STAU1: variants seen among roughly 807,000 people sequenced by gnomAD.
STAU1 encodes staufen double-stranded RNA binding protein 1.
In STAU1, 13 loss-of-function variants were observed where a neutral mutation model predicts 62.9. The observed-to-expected ratio is 0.21, with a 90% CI of 0.13 to 0.33. The LOEUF is 0.33. Among genes scored for constraint, STAU1 ranks in the 10% least tolerant of loss-of-function variants. STAU1 has a pLI of 1.00. For missense variants in STAU1, 571 were observed against 712.1 expected (o/e 0.80, Z 2.25); for synonymous variants, 269 against 265.1 (o/e 1.01, Z -0.14).
At chr20:49,152,788 C>T (rs973114464) in intron 4 of STAU1, among the ~76,000 whole-genome samples, 5 of 152,168 alleles carry the variant, frequency 3.3e-5, no homozygotes, top group African/African-American at 1.2e-4. Flanking sequence ...TCTACAAATG[C>T]TGGGAATCAT....
chr20:49,204,623 TGTGTATATATATATATATATA>T, the STAU1 span, among the ~76,000 whole-genome samples: 23 of 40,448 alleles, frequency 5.7e-4, no homozygotes, highest in African/African-American at 1.7e-3. Context: ...TATATATATA[TGTGTATATATATATATATATA>T]TATTTTTTTT....
intron 3 of STAU1, among the ~76,000 whole-genome samples, chr20:49,161,099 G>T (rs1440523317): frequency 1.3e-5 from 2 of 151,790 alleles, no homozygotes. Flanking sequence ...CAGGCAGATT[G>T]TTTGAGCCCA....
At chr20:49,124,625 C>CACT (rs1555836189) in intron 6 of STAU1, 38 bp from the exon 7 acceptor site, 2 of 1,608,428 alleles carry the variant, frequency 1.2e-6, no homozygotes, top group South Asian at 1.1e-5. Context: ...AGCGGACAGA[C>CACT]ACTTATTAAA....
intron 6 of STAU1, among the ~76,000 whole-genome samples, chr20:49,127,264 G>C (rs1329371958): frequency 9.9e-5 from 15 of 152,188 alleles, no homozygotes; most frequent in Admixed American, 9.8e-4. Context: ...TGAGACAGGA[G>C]AATTGCTTGA....
rs2092505326 is a variant in STAU1, at chr20:49,123,089, C to T, written c.966+3G>A. 1 of 1,594,512 alleles carries T rather than the reference C, an allele frequency of 6.3e-7. No individual in the cohort carries two copies. The highest frequency in any genetic ancestry group is 1.1e-5 in the South Asian group (1 of 87,662). On this transcript the variant is annotated splice_donor_region_variant and intron_variant, in intron 8 of 13. Transcript: ENST00000371856. ...GGGGCGCCCATCATCCATGCGGACCCACCTGCATCACAAACTCCCTGCGGC... is the reference window on the plus strand; with the variant it reads ...GGGGCGCCCATCATCCATGCGGACCTACCTGCATCACAAACTCCCTGCGGC...
At chr20:49,174,673 C>T (rs1402056751) in intron 1 of STAU1, among the ~76,000 whole-genome samples, 1 of 151,152 alleles carries the variant, frequency 6.6e-6, no homozygotes, top group African/African-American at 2.4e-5. Context: ...CATGGTGGCG[C>T]ACGCCTGTAA....
At chr20:49,145,508 G>A (rs1172881982) in intron 5 of STAU1, among the ~76,000 whole-genome samples, 2 of 148,296 alleles carry the variant, frequency 1.3e-5, no homozygotes, top group Admixed American at 6.8e-5. Context: ...CGAGGCAGGT[G>A]GATCACAAGG....
At chr20:49,125,583 A>C (rs1359001894) in intron 6 of STAU1, among the ~76,000 whole-genome samples, 4 of 150,772 alleles carry the variant, frequency 2.7e-5, no homozygotes, top group African/African-American at 9.8e-5. Flanking sequence ...GCGGTGGCTC[A>C]CGCCTGTAAT....
At chr20:49,196,297 A>G in the STAU1 span, among the ~76,000 whole-genome samples, 123 of 151,560 alleles carry the variant, frequency 8.1e-4, no homozygotes, top group Non-Finnish European at 1.6e-3. Context: ...TTAGCCGGGC[A>G]AGGTGGCGGG....
At chr20:49,188,656 C>T (rs993623055), upstream of STAU1, among the ~76,000 whole-genome samples, 2 of 152,216 alleles carry the variant, frequency 1.3e-5, no homozygotes, top group African/African-American at 4.8e-5. Flanking sequence ...CTTCTTTCCT[C>T]CTCCACTTCC....
chr20:49,208,960 G>A, the STAU1 span, among the ~76,000 whole-genome samples: 1 of 150,556 alleles, frequency 6.6e-6, no homozygotes, highest in East Asian at 2.0e-4. Context: ...TTTAGAGAAA[G>A]TGTCTTACTC....
At chr20:49,198,115 G>A in the STAU1 span, among the ~76,000 whole-genome samples, 1 of 152,178 alleles carries the variant, frequency 6.6e-6, no homozygotes, top group Non-Finnish European at 1.5e-5. Flanking sequence ...AAGTATATGA[G>A]TGGCAAATGA....
chr20:49,153,183 G>C (rs1467690707), intron 4 of STAU1, among the ~76,000 whole-genome samples: 1 of 148,778 alleles, frequency 6.7e-6, no homozygotes, highest in Non-Finnish European at 1.5e-5. Context: ...CCGGGAGGCA[G>C]AGCTTGCAGT....
At chr20:49,134,432 G>T in intron 6 of STAU1, 1 of 271,308 alleles carries the variant, frequency 3.7e-6, no homozygotes. Context: ...ACTCATCTCA[G>T]GGAAAAAAAA....
At chr20:49,180,648 G>A (rs1411405777) in intron 1 of STAU1, among the ~76,000 whole-genome samples, 6 of 152,144 alleles carry the variant, frequency 3.9e-5, no homozygotes, top group East Asian at 3.8e-4. Context: ...GATGACACAC[G>A]ATAGCAGTAA....
At chr20:49,141,946 A>G (rs1000871140) in intron 5 of STAU1, among the ~76,000 whole-genome samples, 5 of 152,056 alleles carry the variant, frequency 3.3e-5, no homozygotes, top group African/African-American at 7.2e-5. Context: ...ATCCAAACTT[A>G]TAAGTTTATA....
chr20:49,209,337 A>C, the STAU1 span, among the ~76,000 whole-genome samples: 1 of 151,672 alleles, frequency 6.6e-6, no homozygotes, highest in Admixed American at 6.6e-5. Context: ...CAAACTGAAC[A>C]TGCAAAGAAT....
At chr20:49,177,408 T>G (rs1398032695) in intron 1 of STAU1, among the ~76,000 whole-genome samples, 3 of 151,724 alleles carry the variant, frequency 2.0e-5, no homozygotes, top group Non-Finnish European at 4.4e-5. Flanking sequence ...GCCGGGCATG[T>G]GGACTCACGC....
chr20:49,127,915 C>T (rs919343340), intron 6 of STAU1, among the ~76,000 whole-genome samples: 2 of 151,928 alleles, frequency 1.3e-5, no homozygotes, highest in East Asian at 3.9e-4. Flanking sequence ...TTTGGGAGGC[C>T]GAGGCAGGCG....
Sources: gnomAD v4.1 joint callset for allele counts (sites outside exome capture counted in the v4.1 genomes callset) on GRCh38, gnomAD v4.1.1 for gene constraint, MANE v1.5 for transcripts, NCBI Gene and HGNC (gene_info 2026-07-23, HGNC 2026-07-21) for gene names.